SYNPR: variants seen among roughly 807,000 people sequenced by gnomAD.
SYNPR encodes the protein synaptoporin.
Under a neutral mutation model 32.9 loss-of-function variants are expected in SYNPR, and 23 were observed. That is an observed-to-expected ratio of 0.70 (90% CI 0.50 to 0.99). SYNPR has a LOEUF of 0.99. Ranked by LOEUF, SYNPR falls within the 50% of genes least tolerant of loss-of-function variation. The pLI, the probability that SYNPR is intolerant of heterozygous loss-of-function variation, is 0.00. For missense variants in SYNPR, 318 were observed against 349.3 expected (o/e 0.91, Z 0.71); for synonymous variants, 146 against 135.9 (o/e 1.07, Z -0.52).
chr3:63,482,784 A>G (rs1008792432), intron 3 of SYNPR, among the ~76,000 whole-genome samples: 1 of 152,156 alleles, frequency 6.6e-6, no homozygotes, highest in African/African-American at 2.4e-5. Context: ...TCAATTTTAC[A>G]TTTGTATATT....
intron 2 of SYNPR, among the ~76,000 whole-genome samples, chr3:63,471,250 C>A (rs1700790575): frequency 6.6e-6 from 1 of 152,190 alleles, no homozygotes; most frequent in South Asian, 2.1e-4. Flanking sequence ...ATATTGTAGA[C>A]AGGAAAACAC....
intron 2 of SYNPR, among the ~76,000 whole-genome samples, chr3:63,459,423 C>T (rs997988817): frequency 2.6e-5 from 4 of 152,132 alleles, no homozygotes; most frequent in African/African-American, 9.7e-5. Context: ...CCTTCCTGTT[C>T]TGTTAGGTAA....
chr3:63,435,290 A>C (rs900666624), intron 2 of SYNPR, among the ~76,000 whole-genome samples: 1 of 152,216 alleles, frequency 6.6e-6, no homozygotes, highest in Non-Finnish European at 1.5e-5. Flanking sequence ...TGATGATAAC[A>C]ATAGATTCTA....
intron 2 of SYNPR, among the ~76,000 whole-genome samples, chr3:63,445,894 C>G (rs1700268416): frequency 6.6e-6 from 1 of 152,164 alleles, no homozygotes; most frequent in Admixed American, 6.5e-5. Context: ...CATTCTGATA[C>G]AAGGTAGTCT....
At chr3:63,494,241 T>TA (rs1701313202) in intron 3 of SYNPR, among the ~76,000 whole-genome samples, 1 of 151,050 alleles carries the variant, frequency 6.6e-6, no homozygotes, top group Non-Finnish European at 1.5e-5. Flanking sequence ...AATGTGGTAG[T>TA]AATAGGTGAA....
intron 3 of SYNPR, among the ~76,000 whole-genome samples, chr3:63,488,408 G>T (rs2106711032): frequency 6.6e-6 from 1 of 152,270 alleles, no homozygotes; most frequent in East Asian, 1.9e-4. Context: ...GGGAGACTTA[G>T]AGGTGGTGTG....
intron 2 of SYNPR, among the ~76,000 whole-genome samples, chr3:63,470,272 T>C (rs961920025): frequency 2.0e-5 from 3 of 152,214 alleles, no homozygotes; most frequent in African/African-American, 7.2e-5. Flanking sequence ...ATAAACAACT[T>C]CCAACTTTTC....
intron 2 of SYNPR, among the ~76,000 whole-genome samples, chr3:63,452,288 C>T (rs562788148): frequency 6.6e-6 from 1 of 152,102 alleles, no homozygotes; most frequent in Non-Finnish European, 1.5e-5. Flanking sequence ...GGGGGACAGG[C>T]AATTTAAAAA....
chr3:63,467,232 T>C (rs1023381598), intron 2 of SYNPR, among the ~76,000 whole-genome samples: 2 of 152,192 alleles, frequency 1.3e-5, no homozygotes, highest in South Asian at 4.1e-4. Context: ...TCTCACTATG[T>C]TGCTCAGGCT....
intron 2 of SYNPR, among the ~76,000 whole-genome samples, chr3:63,435,606 T>C (rs2107151301): frequency 6.6e-6 from 1 of 152,334 alleles, no homozygotes; most frequent in Non-Finnish European, 1.5e-5. Context: ...CACCCTCCCA[T>C]CTTCATGGTG....
At chr3:63,431,425 A>G (rs1375931652) in intron 2 of SYNPR, among the ~76,000 whole-genome samples, 1 of 152,226 alleles carries the variant, frequency 6.6e-6, no homozygotes, top group Non-Finnish European at 1.5e-5. Context: ...TTCAATGGGT[A>G]TATATTTATC....
chr3:63,315,867 C>CTG (rs1357717641), intron 2 of SYNPR, among the ~76,000 whole-genome samples: 1 of 151,994 alleles, frequency 6.6e-6, no homozygotes, highest in Non-Finnish European at 1.5e-5. Flanking sequence ...ATTATGTTTG[C>CTG]TGTGGGTTTG....
intron 4 of SYNPR, among the ~76,000 whole-genome samples, chr3:63,597,837 C>T (rs1187076152): frequency 1.3e-5 from 2 of 152,238 alleles, no homozygotes; most frequent in East Asian, 3.9e-4. Context: ...GGAAACAATC[C>T]CATAAGTGGA....
intron 3 of SYNPR, among the ~76,000 whole-genome samples, chr3:63,494,422 T>TATATATACACAC (rs1185769463): frequency 0.044 from 1,771 of 40,148 alleles, 50 homozygotes; most frequent in African/African-American, 0.066. Context: ...TATATACGTA[T>TATATATACACAC]ATATATATAT....
At chr3:63,559,278 A>G (rs1462156290) in intron 4 of SYNPR, among the ~76,000 whole-genome samples, 1 of 151,968 alleles carries the variant, frequency 6.6e-6, no homozygotes, top group Non-Finnish European at 1.5e-5. Flanking sequence ...GGATTTTACC[A>G]TGTTGCCCAG....
intron 5 of SYNPR, among the ~76,000 whole-genome samples, chr3:63,611,658 A>T (rs576004201): frequency 1.3e-5 from 2 of 152,206 alleles, no homozygotes; most frequent in South Asian, 4.1e-4. Context: ...TTGTTACATT[A>T]TTCTCTCTTT....
intron 3 of SYNPR, among the ~76,000 whole-genome samples, chr3:63,549,415 T>C (rs1702463901): frequency 6.6e-6 from 1 of 152,186 alleles, no homozygotes; most frequent in Non-Finnish European, 1.5e-5. Context: ...CTTGCCAGTG[T>C]AGGCTCCTTC....
chr3:63,446,268 C>T lies in SYNPR; in HGVS notation c.85-34564C>T, dbSNP rs572387153. Among the ~76,000 whole-genome samples the T allele has an allele frequency of 2.0e-5, 3 of 150,626 alleles. No individual in the cohort carries two copies. In the South Asian group the frequency reaches 6.4e-4, roughly 32 times the overall value. On this transcript the variant is annotated intron_variant, in intron 2 of 5. Coordinates refer to ENST00000478300, the MANE Select transcript of SYNPR (RefSeq NM_001130003.2). ...ACAAAATTCTCACCTTCCCTTTACT[C>T]ACTCCCACCATGTTTTTTTTTTTTT... is the stretch of plus-strand genomic sequence containing the variant.
intron 3 of SYNPR, among the ~76,000 whole-genome samples, chr3:63,525,645 C>T (rs1288512928): frequency 2.0e-5 from 3 of 152,138 alleles, no homozygotes; most frequent in African/African-American, 7.2e-5. Context: ...AAAGGCATTT[C>T]TACGATGTGC....
Sources: allele counts gnomAD v4.1 joint callset (sites outside exome capture counted in the v4.1 genomes callset), GRCh38; gene constraint gnomAD v4.1.1; transcripts MANE v1.5; gene names NCBI Gene and HGNC (gene_info 2026-07-23, HGNC 2026-07-21).